The following ZNF44 variants were observed in gnomAD, a reference collection of about 807,000 sequenced individuals.
ZNF44 encodes the protein gonadotropin inducible transcription repressor-2.
In ZNF44, 9 loss-of-function variants were observed where a neutral mutation model predicts 11.7. The ratio of observed to expected loss-of-function variants is 0.77; its 90% CI spans 0.46 to 1.35. The LOEUF is 1.35. ZNF44 is among the 40% of genes most tolerant of loss of function. ZNF44 has a pLI of 0.00. For missense variants in ZNF44, 696 were observed against 743.1 expected (o/e 0.94, Z 0.74); for synonymous variants, 224 against 242.7 (o/e 0.92, Z 0.72).
At chr19:12,245,539 G>A (rs10418119), downstream of ZNF44, among the ~76,000 whole-genome samples, 9,307 of 152,186 alleles carry the variant, frequency 0.061, 961 homozygotes, top group African/African-American at 0.21. Context: ...CAATGCAACA[G>A]AGGAACAAGC....
chr19:12,257,930 C>T (rs56207836), intron 5 of ZNF44, among the ~76,000 whole-genome samples: 28,418 of 151,584 alleles, frequency 0.19, 2,745 homozygotes, highest in East Asian at 0.28. Flanking sequence ...AAGATTGCGC[C>T]ACTGCACTCT....
chr19:12,240,882 A>G (rs781705808), upstream of ZNF44, among the ~76,000 whole-genome samples: 3 of 152,254 alleles, frequency 2.0e-5, no homozygotes, highest in Non-Finnish European at 4.4e-5. Flanking sequence ...GGATTTAACA[A>G]TCATTTCTTG....
chr19:12,243,705 A>G (rs1300339628), downstream of ZNF44, among the ~76,000 whole-genome samples: 3 of 151,946 alleles, frequency 2.0e-5, no homozygotes, highest in African/African-American at 7.3e-5. Context: ...AGACTGTTGG[A>G]TCACATGGTA....
rs1967106267 is a variant in ZNF44 at position 12,274,055 on chromosome 19, A to G, written c.200T>C (p.Val67Ala). Reference sequence around the variant, plus strand: ...TTTACTTTTACCAAATCTCTCTACCACATCACACCTGTAAAAAATGAAAAG... The same window carrying G: ...TTTACTTTTACCAAATCTCTCTACCGCATCACACCTGTAAAAAATGAAAAG... ...QNLRRNPRCD[V>A]VERFGKSKDG... Residue 67 changes from valine (V) to alanine (A), a missense_variant, in exon 4 of 4, where the codon GTG becomes GCG. Transcript: ENST00000355684. 2 of 1,601,864 alleles carry G rather than the reference A, an allele frequency of 1.2e-6. No individual in the cohort carries two copies. The highest frequency in any genetic ancestry group is 1.3e-5 in the African/African-American group (1 of 74,348).
Position 12,284,593 on chromosome 19 carries a change from T to C in ZNF44, c.4-8511A>G. On this transcript the variant is annotated intron_variant, in intron 1 of 3. Coordinates refer to ENST00000355684, the MANE Select transcript of ZNF44 (RefSeq NM_016264.4). ...ATCAAGGAATCTGAGATCATTGACT[T>C]GTTCCTGGGGGCCTCTCTCAAGGAC... The C allele has an allele frequency of 5.6e-6, 4 of 716,360 alleles. No individual in the cohort carries two copies. The South Asian group carries it at 5.7e-5, about 10-fold the overall frequency. 44.4% of individuals were successfully genotyped at this position (716,360 alleles called of 1,614,324 possible). A position where few individuals can be genotyped will look rare whatever the true frequency, so the allele number is the denominator to read the frequency against.
At chr19:12,271,092 A>G (rs1286933172), downstream of ZNF44, among the ~76,000 whole-genome samples, 2 of 152,130 alleles carry the variant, frequency 1.3e-5, no homozygotes, top group African/African-American at 2.4e-5. Context: ...CAGAAGATTA[A>G]GAAGAGGAGC....
intron 5 of ZNF44, among the ~76,000 whole-genome samples, chr19:12,266,626 T>C (rs559220010): frequency 6.6e-6 from 1 of 152,266 alleles, no homozygotes; most frequent in East Asian, 1.9e-4. Flanking sequence ...TTCTTGACCA[T>C]TGCCCTTGCC....
intron 1 of ZNF44, chr19:12,291,066 C>T (rs1280724792): frequency 7.6e-6 from 2 of 263,194 alleles, no homozygotes; most frequent in African/African-American, 4.6e-5. Context: ...ACAAGAAAAG[C>T]ACAAGTATCT....
rs1192125217 is a variant in ZNF44 at position 12,274,323 on chromosome 19, G to GT, written c.192-261dup. On this transcript the variant is annotated intron_variant, in intron 3 of 3. Coordinates refer to ENST00000355684, the MANE Select transcript of ZNF44 (RefSeq NM_016264.4). ...AGTCTCCCTCTGTCATCAGGCTGGAGTGCAGCTGGTGCTGTCTCGGCTTGC... is the reference window on the plus strand; with the variant it reads ...AGTCTCCCTCTGTCATCAGGCTGGAGTTGCAGCTGGTGCTGTCTCGGCTTGC... Among the ~76,000 whole-genome samples the GT allele has an allele frequency of 7.1e-5, 10 of 140,866 alleles. No individual in the cohort carries two copies. The East Asian group carries it at 1.1e-3, about 15-fold the overall frequency. The allele number at this position is 140,866 out of a possible 152,430, so 92.4% of individuals were successfully genotyped here.
At position 12,273,175 on chromosome 19, in the gene ZNF44, AGT is replaced by A. The variant is rs553059806; in HGVS notation, c.1078_1079del (p.Thr360SerfsTer6). On this transcript the variant is annotated frameshift_variant, in exon 4 of 4. Coordinates refer to ENST00000355684, the MANE Select transcript of ZNF44 (RefSeq NM_016264.4). LOFTEE classifies it low-confidence loss of function (END_TRUNC). ...GCTTACATTCATAGGGTTTCTCTAG[AGT>A]GTGAGTTCCTTCATGAATTCGTGCT... ...GSARIHEGTH[T>X]LEKPYECKQC... The A allele has an allele frequency of 5.8e-5, 93 of 1,613,912 alleles. No individual in the cohort carries two copies. In the South Asian group the frequency reaches 8.1e-4, roughly 14 times the overall value.
At chr19:12,230,156 T>G (rs1042725278) in intron 3 of ZNF44, among the ~76,000 whole-genome samples, 1 of 152,172 alleles carries the variant, frequency 6.6e-6, no homozygotes, top group African/African-American at 2.4e-5. Flanking sequence ...ACTACATGCT[T>G]AAGCCAAGTT....
chr19:12,284,971 A>C (rs753980859), intron 1 of ZNF44: 1 of 729,492 alleles, frequency 1.4e-6, no homozygotes, highest in Non-Finnish European at 2.5e-6. Flanking sequence ...AGTGACTGAT[A>C]CACCTCAGCC....
intron 5 of ZNF44, chr19:12,260,190 G>A: frequency 1.3e-6 from 1 of 771,170 alleles, no homozygotes; most frequent in Admixed American, 1.8e-5. Flanking sequence ...AGAGGACTAT[G>A]CCGACCTACA....
chr19:12,239,568 A>ATTTTT (rs1158604076), upstream of ZNF44, among the ~76,000 whole-genome samples: 2 of 76,052 alleles, frequency 2.6e-5, no homozygotes, highest in African/African-American at 8.6e-5. Flanking sequence ...CCCAAGTTGC[A>ATTTTT]TTTTTTTTTT....
At chr19:12,263,316 C>A (rs1015622429) in intron 5 of ZNF44, among the ~76,000 whole-genome samples, 29 of 151,938 alleles carry the variant, frequency 1.9e-4, no homozygotes, top group African/African-American at 7.0e-4. Flanking sequence ...GAAGTCCCGA[C>A]CTCAGGTGAT....
chr19:12,248,610 A>G (rs775718188), exon 8 of ZNF44: 1 of 1,301,384 alleles, frequency 7.7e-7, no homozygotes. Flanking sequence ...GAGATTTGCA[A>G]TCTGGCTGAA....
At chr19:12,288,774 G>GTATATATATATA (rs55971577) in intron 1 of ZNF44, among the ~76,000 whole-genome samples, 1,819 of 76,664 alleles carry the variant, frequency 0.024, 104 homozygotes, top group Non-Finnish European at 0.027. Flanking sequence ...AAAAAAAAAT[G>GTATATATATATA]TATATATATA....
At chr19:12,226,901 A>G (rs1915941477) in intron 3 of ZNF44, among the ~76,000 whole-genome samples, 1 of 152,094 alleles carries the variant, frequency 6.6e-6, no homozygotes, top group Non-Finnish European at 1.5e-5. Flanking sequence ...CCACATCTCT[A>G]CTGAAAATAC....
chr19:12,260,174 T>C lies in ZNF44; in HGVS notation c.1913-9806A>G. The C allele has an allele frequency of 3.9e-6, 3 of 769,216 alleles. No homozygotes were observed. In the South Asian group the frequency reaches 4.1e-5, roughly 10 times the overall value. The allele number at this position is 769,216 out of a possible 1,614,324, so 47.6% of individuals were successfully genotyped here. A position where few individuals can be genotyped will look rare whatever the true frequency, so the allele number is the denominator to read the frequency against. On this transcript the variant is annotated intron_variant and NMD_transcript_variant, in intron 5 of 7. Transcript: ENST00000393337. ...GGTCGTGCAGAACTGCTCCAGTTTC[T>C]GATCAAGAGGACTATGCCGACCTAC...
Sources: allele counts gnomAD v4.1 joint callset (sites outside exome capture counted in the v4.1 genomes callset), GRCh38; gene constraint gnomAD v4.1.1; transcripts MANE v1.5; gene names NCBI Gene and HGNC (gene_info 2026-07-23, HGNC 2026-07-21).